Variants in RMND5A observed in about 807,000 individuals in gnomAD.
The protein encoded by RMND5A is E3 ubiquitin-protein transferase RMND5A.
In RMND5A, 17 loss-of-function variants were observed where a neutral mutation model predicts 49.7. That is an observed-to-expected ratio of 0.34 (90% CI 0.23 to 0.51). The LOEUF (loss-of-function observed/expected upper bound fraction) is 0.51. RMND5A is among the 20% of genes least tolerant of loss of function. The pLI, the probability that RMND5A is intolerant of heterozygous loss-of-function variation, is 0.96. For missense variants in RMND5A, 255 were observed against 471.3 expected (o/e 0.54, Z 4.25); for synonymous variants, 156 against 167.7 (o/e 0.93, Z 0.54).
chr2:86,752,500 T>TC lies in RMND5A; in HGVS notation c.420+471dup, dbSNP rs1340601425. On this transcript the variant is annotated intron_variant, in intron 3 of 8. Coordinates refer to ENST00000283632, the MANE Select transcript of RMND5A (RefSeq NM_022780.4). Reference sequence around the variant, plus strand: ...ATTTCTATCACACATGAGTTAGAACTCTACAACAGTTTACCAATACCATGT... The same window carrying TC: ...ATTTCTATCACACATGAGTTAGAACTCCTACAACAGTTTACCAATACCATGT... Among the ~76,000 whole-genome samples the TC allele has an allele frequency of 5.3e-5, 8 of 152,368 alleles. No homozygotes were observed. In the South Asian group the frequency reaches 1.7e-3, roughly 32 times the overall value.
chr2:86,773,521 C>T lies in RMND5A; in HGVS notation c.*110C>T. ...CCAAGGACTCCTGTGTTTCTATAAG[C>T]TAATGCTCCAGAAACTTTGCCAACC... On this transcript the variant is annotated 3_prime_UTR_variant, in exon 9 of 9. Transcript: ENST00000283632. 1.4e-6 allele frequency: 1 copy of T among 695,216 alleles called. No homozygotes were observed. Among genetic ancestry groups the T allele is most frequent in the Non-Finnish European group, 2.6e-6 (1 of 390,368 alleles). The allele number at this position is 695,216 out of a possible 1,614,324, so 43.1% of individuals were successfully genotyped here. A position where few individuals can be genotyped will look rare whatever the true frequency, so the allele number is the denominator to read the frequency against.
chr2:86,752,645 C>A (rs531962049), intron 3 of RMND5A, among the ~76,000 whole-genome samples: 1 of 152,302 alleles, frequency 6.6e-6, no homozygotes, highest in African/African-American at 2.4e-5. Context: ...GATGAAAAAT[C>A]TAAGGTCTGG....
At chr2:86,763,140 C>T (rs1672532132) in intron 4 of RMND5A, among the ~76,000 whole-genome samples, 1 of 151,950 alleles carries the variant, frequency 6.6e-6, no homozygotes, top group East Asian at 1.9e-4. Context: ...TGTGAATTGT[C>T]TATTTATGAA....
chr2:86,748,466 G>A (rs1370624986), intron 2 of RMND5A: 3 of 152,148 alleles, frequency 2.0e-5, no homozygotes, highest in Non-Finnish European at 4.4e-5. Flanking sequence ...AATAAGTTAC[G>A]AGCTTGAATG....
intron 4 of RMND5A, among the ~76,000 whole-genome samples, chr2:86,754,500 C>T (rs1681694333): frequency 6.6e-6 from 1 of 152,112 alleles, no homozygotes; most frequent in South Asian, 2.1e-4. Flanking sequence ...TACACTTTTT[C>T]CCTTAAAATT....
rs181122068 is a variant in RMND5A, at chr2:86,753,857, A to G, written c.521+299A>G. On this transcript the variant is annotated intron_variant, in intron 4 of 8. Coordinates refer to ENST00000283632, the MANE Select transcript of RMND5A (RefSeq NM_022780.4). ...GTGGGCTGACATTACAACAAGCACT[A>G]TTGTTCAGCCAGTGCAAGTTTGATA... is the stretch of plus-strand genomic sequence containing the variant. 8.3e-4 allele frequency among the ~76,000 whole-genome samples: 126 copies of G among 152,292 alleles called. 2 individuals carry two copies. The South Asian group carries it at 8.9e-3, about 11-fold the overall frequency.
intron 4 of RMND5A, among the ~76,000 whole-genome samples, chr2:86,755,280 G>A (rs553174128): frequency 6.6e-6 from 1 of 151,980 alleles, no homozygotes; most frequent in East Asian, 1.9e-4. Flanking sequence ...CACCACACCT[G>A]GCTAATTTTT....
chr2:86,763,291 C>T (rs1178810576), intron 4 of RMND5A, among the ~76,000 whole-genome samples: 1 of 152,100 alleles, frequency 6.6e-6, no homozygotes, highest in Non-Finnish European at 1.5e-5. Context: ...CCTTTCCTTA[C>T]TTGCTAGTAG....
chr2:86,747,732 T>G (rs1403874273), intron 2 of RMND5A, among the ~76,000 whole-genome samples: 1 of 152,206 alleles, frequency 6.6e-6, no homozygotes, highest in Non-Finnish European at 1.5e-5. Context: ...ATAAAATATA[T>G]TTGAGAAACG....
chr2:86,742,312 TCTGGGGAGATTGTGA>T (rs972272029), intron 2 of RMND5A, among the ~76,000 whole-genome samples: 8 of 151,870 alleles, frequency 5.3e-5, no homozygotes, highest in African/African-American at 1.5e-4. Context: ...GAAGGCAGAC[TCTGGGGAGATTGTGA>T]CTGGGGAGAT....
chr2:86,766,183 G>A lies in RMND5A; in HGVS notation c.854+159G>A, dbSNP rs185475633. On this transcript the variant is annotated intron_variant, in intron 6 of 8. Transcript: ENST00000283632. Reference sequence around the variant, plus strand: ...AGATATCACAATTGGCAGTGATGCTGTTTTAGAGAAGCAGTTTTGAAAGTG... The same window carrying A: ...AGATATCACAATTGGCAGTGATGCTATTTTAGAGAAGCAGTTTTGAAAGTG... Among the ~76,000 whole-genome samples the A allele has an allele frequency of 1.2e-3, 189 of 152,318 alleles. 1 individual carries two copies. The highest frequency in any genetic ancestry group is 4.3e-3 in the African/African-American group (177 of 41,576).
chr2:86,771,978 A>G lies in RMND5A; in HGVS notation c.1112+266A>G, dbSNP rs147551387. Among the ~76,000 whole-genome samples the G allele has an allele frequency of 5.3e-4, 81 of 152,340 alleles. 2 individuals carry two copies. The highest frequency in any genetic ancestry group is 1.7e-3 in the African/African-American group (72 of 41,570). ...TCCCCTTTTTTATACAAATGGTCGC[A>G]TACTAAAAAATGTTCTGTACTTTGC... On this transcript the variant is annotated intron_variant, in intron 8 of 8. Coordinates refer to ENST00000283632, the MANE Select transcript of RMND5A (RefSeq NM_022780.4).
At chr2:86,769,766 G>C (rs1672659490) in intron 6 of RMND5A, among the ~76,000 whole-genome samples, 2 of 151,362 alleles carry the variant, frequency 1.3e-5, no homozygotes, top group Admixed American at 6.6e-5. Context: ...TTTATTTTTT[G>C]TTTTGTTTTT....
intron 1 of RMND5A, among the ~76,000 whole-genome samples, chr2:86,728,825 C>G (rs1681309542): frequency 7.1e-6 from 1 of 141,156 alleles, no homozygotes; most frequent in Non-Finnish European, 1.5e-5. Context: ...ATGATCTTGG[C>G]TCACTGCAAC....
intron 4 of RMND5A, among the ~76,000 whole-genome samples, chr2:86,754,668 G>A (rs79154481): frequency 0.055 from 8,361 of 151,726 alleles, 701 homozygotes; most frequent in African/African-American, 0.18. Flanking sequence ...CCAACCTCCC[G>A]CCTTAGCCTC....
Position 86,720,630 on chromosome 2 carries a change from A to G in RMND5A, c.-38A>G. 3 of 1,507,912 alleles carry G rather than the reference A, an allele frequency of 2.0e-6. No homozygotes were observed. Among genetic ancestry groups the G allele is most frequent in the Non-Finnish European group, 2.7e-6 (3 of 1,130,966 alleles). The allele number at this position is 1,507,912 out of a possible 1,614,324, so 93.4% of individuals were successfully genotyped here. On this transcript the variant is annotated 5_prime_UTR_variant, in exon 1 of 9. Transcript: ENST00000283632. ...GGGCCCGGGCCGAACGGCTGCGGAC[A>G]CCTGGGCGCCGAGGAGCCGAGCGCC... is the stretch of plus-strand genomic sequence containing the variant.
chr2:86,746,564 A>G (rs1411166865), intron 2 of RMND5A, among the ~76,000 whole-genome samples: 1 of 152,262 alleles, frequency 6.6e-6, no homozygotes, highest in East Asian at 1.9e-4. Context: ...GCCTGAAGTC[A>G]CAGAGTTGGG....
intron 4 of RMND5A, among the ~76,000 whole-genome samples, chr2:86,757,274 C>T (rs150094668): frequency 9.1e-4 from 136 of 148,728 alleles, no homozygotes; most frequent in African/African-American, 3.3e-3. Context: ...AGTGGCAGAA[C>T]AACACCTGAT....
In RMND5A at chr2:86,720,621, G is replaced by T. The variant is rs745864166; in HGVS notation, c.-47G>T. Reference sequence around the variant, plus strand: ...GCCTCGGTGGGGCCCGGGCCGAACGGCTGCGGACACCTGGGCGCCGAGGAG... The same window carrying T: ...GCCTCGGTGGGGCCCGGGCCGAACGTCTGCGGACACCTGGGCGCCGAGGAG... On this transcript the variant is annotated 5_prime_UTR_variant, in exon 1 of 9. Coordinates refer to ENST00000283632, the MANE Select transcript of RMND5A (RefSeq NM_022780.4). 3 of 1,497,138 alleles carry T rather than the reference G, an allele frequency of 2.0e-6. No individual in the cohort carries two copies. Among genetic ancestry groups the T allele is most frequent in the Non-Finnish European group, 1.8e-6 (2 of 1,125,220 alleles). 92.7% of individuals were successfully genotyped at this position (1,497,138 alleles called of 1,614,324 possible).
Sources: allele counts gnomAD v4.1 joint callset (sites outside exome capture counted in the v4.1 genomes callset), GRCh38; gene constraint gnomAD v4.1.1; transcripts MANE v1.5; gene names NCBI Gene and HGNC (gene_info 2026-07-23, HGNC 2026-07-21).